Variants in GALNT9 observed in about 807,000 individuals in gnomAD.
The protein encoded by GALNT9 is GalNAc transferase 9.
Under a neutral mutation model 63.1 loss-of-function variants are expected in GALNT9, and 47 were observed. The ratio of observed to expected loss-of-function variants is 0.75; its 90% CI spans 0.59 to 0.95. The LOEUF (loss-of-function observed/expected upper bound fraction) is 0.95, where lower values mean the gene tolerates loss of function less well. Among genes scored for constraint, GALNT9 ranks in the 40% least tolerant of loss-of-function variants. The pLI is 0.00. For missense variants in GALNT9, 829 were observed against 874.8 expected (o/e 0.95, Z 0.66); for synonymous variants, 396 against 365.7 (o/e 1.08, Z -0.94).
chr12:132,324,282 A>T (rs1473950905), intron 1 of GALNT9, among the ~76,000 whole-genome samples: 2 of 152,094 alleles, frequency 1.3e-5, no homozygotes, highest in Admixed American at 6.6e-5. Flanking sequence ...TCCGAGACGC[A>T]CGCGTGGCGG....
At chr12:132,328,859 A>G in intron 1 of GALNT9, 107 bp downstream of exon 1, 1 of 1,281,822 alleles carries the variant, frequency 7.8e-7, no homozygotes, top group Non-Finnish European at 1.0e-6. Flanking sequence ...TCCCTCCCAC[A>G]GGGGCGCAGA....
chr12:132,292,354 C>T (rs1880890941), intron 1 of GALNT9, among the ~76,000 whole-genome samples: 2 of 152,180 alleles, frequency 1.3e-5, no homozygotes, highest in Non-Finnish European at 2.9e-5. Flanking sequence ...CTGCCTCCCC[C>T]CATCCCACAG....
intron 2 of GALNT9, among the ~76,000 whole-genome samples, chr12:132,267,816 C>G (rs564891799): frequency 1.3e-5 from 2 of 149,686 alleles, no homozygotes; most frequent in Non-Finnish European, 3.0e-5. Flanking sequence ...CACACACGCA[C>G]TCACACATGC....
chr12:132,299,802 C>T (rs1881222472), intron 1 of GALNT9, among the ~76,000 whole-genome samples: 1 of 137,430 alleles, frequency 7.3e-6, no homozygotes, highest in African/African-American at 2.7e-5. Context: ...TAACTCACTC[C>T]CATAACTAAC....
chr12:132,260,426 A>C (rs1332352281), intron 4 of GALNT9, among the ~76,000 whole-genome samples: 1 of 152,168 alleles, frequency 6.6e-6, no homozygotes, highest in Non-Finnish European at 1.5e-5. Flanking sequence ...CCCCATACAC[A>C]AGGTGACCCC....
At chr12:132,230,853 A>AC (rs1245756325) in intron 6 of GALNT9, among the ~76,000 whole-genome samples, 1 of 152,210 alleles carries the variant, frequency 6.6e-6, no homozygotes, top group Admixed American at 6.5e-5. Flanking sequence ...TTACAGGCAG[A>AC]CCACACCGCA....
At position 132,265,899 on chromosome 12, in the gene GALNT9, GGAGCATGTAGGTACT is replaced by G. The variant is rs1879575196; in HGVS notation, c.420-3289_420-3275del. On this transcript the variant is annotated intron_variant, in intron 2 of 10. Coordinates refer to ENST00000328957, the MANE Select transcript of GALNT9 (RefSeq NM_001122636.2). This position sits in a 1 kb window ranked among gnomAD's most constrained non-coding sequence, Gnocchi z 5.3. ...TGTAATGATACATGCAGTGTGTGTTGGAGCATGTAGGTACTGAGCATGTGTGCCAACCACAGGCCT... is the reference window on the plus strand; with the variant it reads ...TGTAATGATACATGCAGTGTGTGTTGGAGCATGTGTGCCAACCACAGGCCT... Among the ~76,000 whole-genome samples, 1 of 152,220 alleles carries G rather than the reference GGAGCATGTAGGTACT, an allele frequency of 6.6e-6. No individual in the cohort carries two copies. Among genetic ancestry groups the G allele is most frequent in the Non-Finnish European group, 1.5e-5 (1 of 68,046 alleles).
At position 132,292,541 on chromosome 12, in the gene GALNT9, C is replaced by T. The variant is rs1880900987; in HGVS notation, c.239-6111G>A. 2.0e-5 allele frequency among the ~76,000 whole-genome samples: 3 copies of T among 152,378 alleles called. No individual in the cohort carries two copies. The South Asian group carries it at 6.2e-4, about 32-fold the overall frequency. On this transcript the variant is annotated intron_variant, in intron 1 of 10. Transcript: ENST00000328957. ...CAAAACGGAGCAGAGCCAGGCAGCA[C>T]CATCCTGGTCCTGGCTGGGCCCAAA...
chr12:132,286,457 AG>A lies in GALNT9; in HGVS notation c.239-28del. 1 of 1,538,518 alleles carries A rather than the reference AG, an allele frequency of 6.5e-7. No homozygotes were observed. Among genetic ancestry groups the A allele is most frequent in the Non-Finnish European group, 8.8e-7 (1 of 1,142,036 alleles). On this transcript the variant is annotated intron_variant, in intron 1 of 10. Coordinates refer to ENST00000328957, the MANE Select transcript of GALNT9 (RefSeq NM_001122636.2). This position sits in a 1 kb window ranked among gnomAD's most constrained non-coding sequence, Gnocchi z 7.4. ...TGGGGGAAAGGAAGAGAGGGAGGTC[AG>A]GCAGGCCCAGGACACGCTGCGTCTG...
chr12:132,240,844 C>A, intron 6 of GALNT9: 3 of 393,018 alleles, frequency 7.6e-6, no homozygotes, highest in South Asian at 5.7e-5. Context: ...CCATTACACA[C>A]ACACCACACC....
intron 6 of GALNT9, among the ~76,000 whole-genome samples, chr12:132,220,627 C>T (rs1277236781): frequency 6.6e-6 from 1 of 152,140 alleles, no homozygotes; most frequent in African/African-American, 2.4e-5. Context: ...GGGGAATTTC[C>T]AGGGACACCC....
At chr12:132,199,150 A>G in intron 9 of GALNT9, 24 bp downstream of exon 9, 4 of 1,514,328 alleles carry the variant, frequency 2.6e-6, no homozygotes, top group Non-Finnish European at 3.6e-6. Flanking sequence ...TGGGAGCTGC[A>G]TGGGTGGCCG....
At chr12:132,208,499 C>T (rs558460752) in intron 6 of GALNT9, among the ~76,000 whole-genome samples, 1 of 152,360 alleles carries the variant, frequency 6.6e-6, no homozygotes, top group East Asian at 1.9e-4. Flanking sequence ...CAGAACCCAC[C>T]CAGTGCCAAG....
At chr12:132,295,878 CG>C (rs782226802) in intron 1 of GALNT9, among the ~76,000 whole-genome samples, 135 of 119,382 alleles carry the variant, frequency 1.1e-3, no homozygotes, top group South Asian at 3.7e-3. Flanking sequence ...GGACGGCCTC[CG>C]GAACAGGGAG....
intron 1 of GALNT9, among the ~76,000 whole-genome samples, chr12:132,288,518 G>C (rs185305677): frequency 6.6e-6 from 1 of 152,160 alleles, no homozygotes; most frequent in Non-Finnish European, 1.5e-5. Context: ...CTTCTAACTC[G>C]AGAGAGAGAG....
chr12:132,272,744 A>C (rs1260610321), intron 2 of GALNT9: 1 of 152,252 alleles, frequency 6.6e-6, no homozygotes, highest in African/African-American at 2.4e-5. Context: ...AACATACATC[A>C]AATATGACGA....
chr12:132,229,520 C>T (rs1312535750), intron 6 of GALNT9, among the ~76,000 whole-genome samples: 3 of 152,254 alleles, frequency 2.0e-5, no homozygotes, highest in Non-Finnish European at 4.4e-5. Context: ...CGACCACACC[C>T]CGCGGCAGGC....
chr12:132,229,787 AC>A (rs1877826103), intron 6 of GALNT9, among the ~76,000 whole-genome samples: 1 of 152,196 alleles, frequency 6.6e-6, no homozygotes, highest in Admixed American at 6.5e-5. Context: ...GGTTCAGGGC[AC>A]CACAGGTGTT....
intron 1 of GALNT9, among the ~76,000 whole-genome samples, chr12:132,323,039 C>T (rs982077830): frequency 6.6e-6 from 1 of 152,256 alleles, no homozygotes; most frequent in Non-Finnish European, 1.5e-5. Context: ...CTCCTTGTCC[C>T]TTCACAGGCA....
Sources: allele counts gnomAD v4.1 joint callset (sites outside exome capture counted in the v4.1 genomes callset), GRCh38; gene constraint gnomAD v4.1.1; non-coding constraint Gnocchi (gnomAD v3.1); transcripts MANE v1.5; gene names NCBI Gene and HGNC (gene_info 2026-07-23, HGNC 2026-07-21).